Variants in CRPPA observed in about 807,000 individuals in gnomAD.
CRPPA encodes the protein D-ribitol-5-phosphate cytidylyltransferase.
In CRPPA, 43 loss-of-function variants were observed where a neutral mutation model predicts 52.0. That is an observed-to-expected ratio of 0.83 (90% CI 0.65 to 1.07). The LOEUF (loss-of-function observed/expected upper bound fraction) is 1.07, where lower values mean the gene tolerates loss of function less well. CRPPA is among the 50% of genes least tolerant of loss of function. The probability of loss-of-function intolerance (pLI) is 0.00; values close to 1 mark genes in which losing one functional copy is unlikely to be tolerated. For synonymous variants in CRPPA, 250 were observed against 203.5 expected, an observed-to-expected ratio of 1.23 and a Z score of -1.94; for missense variants, 629 against 551.7, an observed-to-expected ratio of 1.14 and a Z score of -1.40.
intron 2 of CRPPA, among the ~76,000 whole-genome samples, chr7:16,389,928 A>AAAAAAAAAAAAAAAATAT: frequency 1.0e-4 from 3 of 29,760 alleles, no homozygotes; most frequent in Non-Finnish European, 1.6e-4. Context: ...AAAAAAAAAA[A>AAAAAAAAAAAAAAAATAT]ATATATATAT....
At chr7:16,329,315 C>T (rs987963171) in intron 3 of CRPPA, among the ~76,000 whole-genome samples, 7 of 152,114 alleles carry the variant, frequency 4.6e-5, no homozygotes, top group Non-Finnish European at 2.9e-5. Flanking sequence ...TGAAAGGCTG[C>T]CCCTTGAAGA....
intron 2 of CRPPA, among the ~76,000 whole-genome samples, chr7:16,390,956 A>G (rs1178435743): frequency 6.6e-6 from 1 of 152,082 alleles, no homozygotes; most frequent in Non-Finnish European, 1.5e-5. Context: ...GCCTCCTATA[A>G]ATTTTATTTA....
chr7:16,386,093 C>T (rs1219369848), intron 2 of CRPPA, among the ~76,000 whole-genome samples: 1 of 151,982 alleles, frequency 6.6e-6, no homozygotes, highest in East Asian at 1.9e-4. Context: ...TGAATTTGAA[C>T]GTTGGTGAAT....
chr7:16,173,124 C>T (rs907648964), intron 9 of CRPPA, among the ~76,000 whole-genome samples: 3 of 152,164 alleles, frequency 2.0e-5, no homozygotes, highest in Non-Finnish European at 4.4e-5. Context: ...ATCTGAGAAT[C>T]TTGCTGATGC....
intron 9 of CRPPA, among the ~76,000 whole-genome samples, chr7:16,164,089 A>C (rs1256907805): frequency 6.6e-6 from 1 of 152,188 alleles, no homozygotes; most frequent in Admixed American, 6.5e-5. Context: ...CCTGGATAAT[A>C]TCCTGAAATG....
intron 9 of CRPPA, among the ~76,000 whole-genome samples, chr7:16,168,166 C>CA: frequency 6.6e-6 from 1 of 152,040 alleles, no homozygotes; most frequent in East Asian, 1.9e-4. Context: ...CAAAATCAGC[C>CA]AAAAAATACA....
intron 9 of CRPPA, among the ~76,000 whole-genome samples, chr7:16,108,285 A>AT: frequency 6.6e-6 from 1 of 152,080 alleles, no homozygotes; most frequent in East Asian, 1.9e-4. Context: ...TGGAAAGGAT[A>AT]TTTTTTGCAA....
chr7:16,168,091 G>A (rs1421511340), intron 9 of CRPPA, among the ~76,000 whole-genome samples: 1 of 151,940 alleles, frequency 6.6e-6, no homozygotes, highest in East Asian at 1.9e-4. Context: ...AATTGATTAT[G>A]GTCACCAATC....
chr7:16,154,804 T>C (rs897719979), intron 9 of CRPPA, among the ~76,000 whole-genome samples: 123 of 151,086 alleles, frequency 8.1e-4, no homozygotes, highest in African/African-American at 2.9e-3. Context: ...ATATTCAAGA[T>C]GGGTCTTTTT....
intron 9 of CRPPA, among the ~76,000 whole-genome samples, chr7:16,212,933 C>T (rs546411325): frequency 2.0e-4 from 31 of 152,196 alleles, no homozygotes; most frequent in African/African-American, 7.0e-4. Context: ...TTGCTAAATC[C>T]CTAAGCATAT....
At chr7:16,299,766 C>T (rs1433410880) in intron 5 of CRPPA, among the ~76,000 whole-genome samples, 1 of 152,182 alleles carries the variant, frequency 6.6e-6, no homozygotes, top group African/African-American at 2.4e-5. Context: ...GAACCTATTA[C>T]ATAGACAAAA....
intron 9 of CRPPA, among the ~76,000 whole-genome samples, chr7:16,183,627 C>G (rs1016215914): frequency 6.6e-6 from 1 of 152,120 alleles, no homozygotes; most frequent in African/African-American, 2.4e-5. Flanking sequence ...TCTGGACACT[C>G]TAGTGTTTCA....
intron 3 of CRPPA, among the ~76,000 whole-genome samples, chr7:16,318,319 T>C (rs1030945446): frequency 2.0e-5 from 3 of 152,118 alleles, no homozygotes; most frequent in Non-Finnish European, 4.4e-5. Flanking sequence ...CTATCTTAAC[T>C]TTTAGCTTAT....
At chr7:16,260,785 T>C (rs1039857399) in intron 6 of CRPPA, among the ~76,000 whole-genome samples, 2 of 152,008 alleles carry the variant, frequency 1.3e-5, no homozygotes, top group African/African-American at 4.8e-5. Flanking sequence ...ACATGAGAGA[T>C]ATTCTGATTC....
At chr7:16,341,532 TA>T (rs1477452262) in intron 3 of CRPPA, among the ~76,000 whole-genome samples, 2 of 152,214 alleles carry the variant, frequency 1.3e-5, no homozygotes, top group African/African-American at 2.4e-5. Flanking sequence ...TAAAATTACC[TA>T]CAAGTCCTGT....
intron 9 of CRPPA, among the ~76,000 whole-genome samples, chr7:16,151,576 GAAA>G (rs1004060996): frequency 6.6e-6 from 1 of 151,878 alleles, no homozygotes; most frequent in African/African-American, 2.4e-5. Context: ...TAGATGGGTA[GAAA>G]AACATTTTAA....
At chr7:16,264,082 C>A (rs1783890102) in intron 6 of CRPPA, among the ~76,000 whole-genome samples, 1 of 152,026 alleles carries the variant, frequency 6.6e-6, no homozygotes, top group Admixed American at 6.5e-5. Flanking sequence ...AACCAGAAAA[C>A]AATCAGTATT....
intron 8 of CRPPA, among the ~76,000 whole-genome samples, chr7:16,255,257 G>A (rs1402055574): frequency 6.6e-6 from 1 of 152,122 alleles, no homozygotes; most frequent in East Asian, 1.9e-4. Context: ...GCTCTTCAAG[G>A]AGAACTACAA....
intron 9 of CRPPA, among the ~76,000 whole-genome samples, chr7:16,202,324 T>C (rs952804821): frequency 2.6e-5 from 4 of 152,194 alleles, no homozygotes; most frequent in Non-Finnish European, 4.4e-5. Flanking sequence ...CTTTCAGGAA[T>C]ACACTATCTA....
Sources: gnomAD v4.1 joint callset for allele counts (sites outside exome capture counted in the v4.1 genomes callset) on GRCh38, gnomAD v4.1.1 for gene constraint, MANE v1.5 for transcripts, NCBI Gene and HGNC (gene_info 2026-07-23, HGNC 2026-07-21) for gene names.